Variants in GALNTL6 observed in about 807,000 individuals in gnomAD.
GALNTL6 encodes the protein polypeptide N-acetylgalactosaminyltransferase like 6.
A neutral mutation model predicts 73.7 loss-of-function variants in GALNTL6; 46 were observed. The observed-to-expected ratio is 0.62, with a 90% CI of 0.49 to 0.80. The LOEUF (loss-of-function observed/expected upper bound fraction) is 0.80, where lower values mean the gene tolerates loss of function less well. Ranked by LOEUF, GALNTL6 falls within the 30% of genes least tolerant of loss-of-function variation. The pLI is 0.00. For synonymous variants in GALNTL6, 259 were observed against 263.7 expected (o/e 0.98, Z 0.17); for missense variants, 604 against 755.0 (o/e 0.80, Z 2.34).
chr4:172,917,412 C>T (rs11946884), intron 8 of GALNTL6, among the ~76,000 whole-genome samples: 1 of 152,130 alleles, frequency 6.6e-6, no homozygotes, highest in Non-Finnish European at 1.5e-5. Flanking sequence ...TCTAATTAAA[C>T]TAAAGAGCTT....
In GALNTL6 at chr4:172,829,223, G is replaced by A. The variant is rs566482995; in HGVS notation, c.923+15500G>A. On this transcript the variant is annotated intron_variant, in intron 7 of 12. Coordinates refer to ENST00000506823, the MANE Select transcript of GALNTL6 (RefSeq NM_001034845.3). ...AAAACACAGACAGGAGAGGAAGAGA[G>A]GCAGGGTTCAGATCCACAAGGATGT... Among the ~76,000 whole-genome samples the A allele has an allele frequency of 3.4e-4, 52 of 152,320 alleles. 1 individual carries two copies. In the South Asian group the frequency reaches 0.011, roughly 31 times the overall value.
At chr4:172,685,256 G>A (rs541511751) in intron 5 of GALNTL6, among the ~76,000 whole-genome samples, 1 of 151,990 alleles carries the variant, frequency 6.6e-6, no homozygotes, top group East Asian at 1.9e-4. Context: ...GTCATTTAGT[G>A]AATCTTTTTC....
chr4:172,692,175 T>C (rs1379353070), intron 5 of GALNTL6, among the ~76,000 whole-genome samples: 1 of 152,124 alleles, frequency 6.6e-6, no homozygotes, highest in Non-Finnish European at 1.5e-5. Flanking sequence ...TTGATGTGCA[T>C]CTGCTTGCAT....
intron 4 of GALNTL6, among the ~76,000 whole-genome samples, chr4:172,343,240 G>A (rs1354579856): frequency 6.6e-6 from 1 of 152,148 alleles, no homozygotes; most frequent in East Asian, 1.9e-4. Flanking sequence ...CTCAAAAGCT[G>A]CAATCCCAGA....
chr4:172,639,248 C>T (rs981330710), intron 5 of GALNTL6, among the ~76,000 whole-genome samples: 2 of 152,118 alleles, frequency 1.3e-5, no homozygotes, highest in African/African-American at 2.4e-5. Context: ...CGTTTGCCAA[C>T]TGGTGATCCA....
intron 5 of GALNTL6, among the ~76,000 whole-genome samples, chr4:172,726,123 G>C (rs1044639805): frequency 2.6e-5 from 4 of 152,136 alleles, no homozygotes; most frequent in Admixed American, 6.5e-5. Flanking sequence ...CCCGCTGAGG[G>C]TCCCAGTCGC....
intron 5 of GALNTL6, among the ~76,000 whole-genome samples, chr4:172,569,527 C>T (rs1736684587): frequency 6.6e-6 from 1 of 152,232 alleles, no homozygotes. Context: ...AATGATGCTT[C>T]AGCAAACCTG....
intron 2 of GALNTL6, among the ~76,000 whole-genome samples, chr4:171,842,108 G>A (rs1735252937): frequency 6.6e-6 from 1 of 151,944 alleles, no homozygotes; most frequent in Admixed American, 6.6e-5. Flanking sequence ...GTACCTTTCG[G>A]TTTTGTCATT....
At chr4:172,166,671 A>C (rs572939423) in intron 2 of GALNTL6, among the ~76,000 whole-genome samples, 1 of 152,304 alleles carries the variant, frequency 6.6e-6, no homozygotes, top group African/African-American at 2.4e-5. Context: ...CTACAAAGCA[A>C]GTATTGATGT....
intron 2 of GALNTL6, among the ~76,000 whole-genome samples, chr4:172,111,640 G>T (rs1732853635): frequency 6.6e-6 from 1 of 151,728 alleles, no homozygotes; most frequent in Non-Finnish European, 1.5e-5. Context: ...ATTATTTTTT[G>T]AAATTGCATT....
At chr4:171,916,613 T>G (rs1737639446) in intron 2 of GALNTL6, among the ~76,000 whole-genome samples, 2 of 152,136 alleles carry the variant, frequency 1.3e-5, no homozygotes, top group South Asian at 4.1e-4. Flanking sequence ...GACCCAGAAC[T>G]TAAGCCCCAA....
At chr4:172,865,521 G>C (rs1744616599) in intron 7 of GALNTL6, among the ~76,000 whole-genome samples, 1 of 152,202 alleles carries the variant, frequency 6.6e-6, no homozygotes, top group Non-Finnish European at 1.5e-5. Flanking sequence ...ATATTTTATA[G>C]TAATCAGATA....
At chr4:173,030,461 C>T (rs1385023551) in intron 12 of GALNTL6, among the ~76,000 whole-genome samples, 1 of 152,118 alleles carries the variant, frequency 6.6e-6, no homozygotes, top group Admixed American at 6.5e-5. Context: ...GGCTCTGTTA[C>T]AACTCTCCTG....
chr4:172,727,770 ACT>A lies in GALNTL6; in HGVS notation c.554-81588_554-81587del, dbSNP rs373581956. Among the ~76,000 whole-genome samples the A allele has an allele frequency of 4.5e-3, 679 of 151,576 alleles. 5 individuals are homozygous for A. Among genetic ancestry groups the A allele is most frequent in the African/African-American group, 0.016 (650 of 41,350 alleles). On this transcript the variant is annotated intron_variant, in intron 5 of 12. Coordinates refer to ENST00000506823, the MANE Select transcript of GALNTL6 (RefSeq NM_001034845.3). Reference sequence around the variant, plus strand: ...AATTTAAATGTCAAACAATAAGAAAACTCTTAATTCTAGCACATTATTTAAGC... The same window carrying A: ...AATTTAAATGTCAAACAATAAGAAAACTTAATTCTAGCACATTATTTAAGC...
chr4:172,478,533 G>T (rs2111476794), intron 5 of GALNTL6, among the ~76,000 whole-genome samples: 1 of 152,298 alleles, frequency 6.6e-6, no homozygotes, highest in East Asian at 1.9e-4. Context: ...AGACTTACAT[G>T]TAAGGCTGGA....
intron 2 of GALNTL6, among the ~76,000 whole-genome samples, chr4:171,865,280 A>G (rs1735940716): frequency 6.6e-6 from 1 of 152,194 alleles, no homozygotes; most frequent in South Asian, 2.1e-4. Flanking sequence ...TGAGAGACAG[A>G]CATACAAATG....
chr4:172,898,758 G>T (rs1721922086), intron 8 of GALNTL6, among the ~76,000 whole-genome samples: 1 of 152,196 alleles, frequency 6.6e-6, no homozygotes, highest in South Asian at 2.1e-4. Flanking sequence ...TAAGGGAGGA[G>T]AACATCCCTC....
At chr4:172,212,468 C>T (rs1297137076) in intron 2 of GALNTL6, among the ~76,000 whole-genome samples, 2 of 152,026 alleles carry the variant, frequency 1.3e-5, no homozygotes, top group Non-Finnish European at 2.9e-5. Flanking sequence ...CAATGATTAG[C>T]TTTCTAATTA....
intron 5 of GALNTL6, among the ~76,000 whole-genome samples, chr4:172,604,636 A>G (rs1427538523): frequency 6.6e-6 from 1 of 152,226 alleles, no homozygotes; most frequent in Non-Finnish European, 1.5e-5. Context: ...CACTAGCTGC[A>G]TATACCATCA....
Sources: gnomAD v4.1 joint callset for allele counts (sites outside exome capture counted in the v4.1 genomes callset) on GRCh38, gnomAD v4.1.1 for gene constraint, MANE v1.5 for transcripts, NCBI Gene and HGNC (gene_info 2026-07-23, HGNC 2026-07-21) for gene names.